The following BRCA2 variants were observed in gnomAD, a reference collection of about 807,000 sequenced individuals.
BRCA2 encodes breast cancer type 2 susceptibility protein.
In BRCA2, 203 loss-of-function variants were observed where a neutral mutation model predicts 276.7. That is an observed-to-expected ratio of 0.73 (90% CI 0.65 to 0.82). The LOEUF (loss-of-function observed/expected upper bound fraction) is 0.82, where lower values mean the gene tolerates loss of function less well. Among genes scored for constraint, BRCA2 ranks in the 40% least tolerant of loss-of-function variants. BRCA2 has a pLI of 0.00. For synonymous variants in BRCA2, 1,289 were observed against 1,338.4 expected (o/e 0.96, Z 0.81); for missense variants, 3,920 against 3,915.0 (o/e 1.00, Z -0.03).
intron 3 of BRCA2, among the ~76,000 whole-genome samples, chr13:32,324,082 A>T (rs1489675758): frequency 6.6e-6 from 1 of 152,200 alleles, no homozygotes; most frequent in Admixed American, 6.5e-5. Flanking sequence ...AATATACCAG[A>T]CATTTTTGTA....
In BRCA2 at chr13:32,396,854, TG is replaced by T. The variant is rs762221479; in HGVS notation, c.9502-41del. 6 of 1,609,968 alleles carry T rather than the reference TG, an allele frequency of 3.7e-6. No individual in the cohort carries two copies. In the Admixed American group the frequency reaches 1.0e-4, roughly 27 times the overall value. ...AAATACTTTTGGAAACATAAATATG[TG>T]GGTTTGCAATTTATAAAGCAGCTTT... On this transcript the variant is annotated intron_variant, in intron 25 of 26. Coordinates refer to ENST00000380152, the MANE Select transcript of BRCA2 (RefSeq NM_000059.4).
chr13:32,365,482 G>C (rs2072775234), intron 18 of BRCA2, among the ~76,000 whole-genome samples: 1 of 152,084 alleles, frequency 6.6e-6, no homozygotes, highest in Admixed American at 6.6e-5. Context: ...TCGGGTTCAA[G>C]TGATTCTCCT....
rs2072261809 is a variant in BRCA2 at position 32,316,504 on chromosome 13, T to G, written c.44T>G (p.Phe15Cys). Residue 15 changes from phenylalanine (F) to cysteine (C), a missense_variant, in exon 2 of 27, where the codon TTT becomes TGT. This residue lies in a region of BRCA2 where 3,263 missense variants were observed against 3,156.9 expected (regional missense o/e 1.03). Coordinates refer to ENST00000380152, the MANE Select transcript of BRCA2 (RefSeq NM_000059.4). Reference sequence around the variant, plus strand: ...GAGAGGCCAACATTTTTTGAAATTTTTAAGACACGCTGCAACAAAGCAGGT... The same window carrying G: ...GAGAGGCCAACATTTTTTGAAATTTGTAAGACACGCTGCAACAAAGCAGGT... ...SKERPTFFEI[F>C]KTRCNKADLG... 1 of 1,614,070 alleles carries G rather than the reference T, an allele frequency of 6.2e-7. No homozygotes were observed. The highest frequency in any genetic ancestry group is 8.5e-7 in the Non-Finnish European group (1 of 1,179,902).
rs398122591 is a variant in BRCA2, at chr13:32,357,910, G to A, written c.7786G>A (p.Gly2596Arg). ...WLIPSNDGKAGKEEFYRALCD... is the reference protein window; with the variant it reads ...WLIPSNDGKARKEEFYRALCD... ...CATACCCTCCAATGATGGAAAGGCT[G>A]GAAAAGAAGAATTTTATAGGTACTC... Residue 2596 changes from glycine (G) to arginine (R), a missense_variant, in exon 16 of 27, where the codon GGA becomes AGA. Physicochemically the swap from Gly to Arg is moderately radical, Grantham distance 125 (BLOSUM62 -2). Coordinates refer to ENST00000380152, the MANE Select transcript of BRCA2 (RefSeq NM_000059.4). The A allele has an allele frequency of 4.3e-6, 7 of 1,613,946 alleles. No homozygotes were observed. The highest frequency in any genetic ancestry group is 5.9e-6 in the Non-Finnish European group (7 of 1,179,912).
intron 4 of BRCA2, among the ~76,000 whole-genome samples, chr13:32,325,664 C>T (rs1212544894): frequency 6.6e-6 from 1 of 151,826 alleles, no homozygotes; most frequent in African/African-American, 2.4e-5. Context: ...CCTCAGCCTC[C>T]CAAGTAGCTG....
intron 14 of BRCA2, 175 bp downstream of exon 14, chr13:32,355,463 A>G: frequency 3.1e-6 from 1 of 320,796 alleles, no homozygotes; most frequent in Non-Finnish European, 4.5e-6. Flanking sequence ...GTTTCTTTCA[A>G]AGATAACTTC....
At chr13:32,383,036 C>A (rs974934714) in intron 24 of BRCA2, among the ~76,000 whole-genome samples, 1 of 151,364 alleles carries the variant, frequency 6.6e-6, no homozygotes, top group Admixed American at 6.6e-5. Flanking sequence ...CTCGCTGAAA[C>A]AGGGCACAAA....
intron 3 of BRCA2, among the ~76,000 whole-genome samples, chr13:32,319,735 C>T (rs1259150737): frequency 1.3e-5 from 2 of 152,094 alleles, no homozygotes; most frequent in Admixed American, 6.6e-5. Context: ...GCGTAGGTGC[C>T]GCATGTTTCT....
chr13:32,376,550 C>T, intron 20 of BRCA2, 120 bp from the exon 21 acceptor site: 2 of 1,090,098 alleles, frequency 1.8e-6, no homozygotes, highest in South Asian at 2.9e-5. Context: ...AAACTTTTAG[C>T]AGTTATATAG....
intron 24 of BRCA2, among the ~76,000 whole-genome samples, chr13:32,388,517 A>G (rs781275897): frequency 5.5e-4 from 83 of 152,142 alleles, no homozygotes; most frequent in Non-Finnish European, 7.8e-4. Flanking sequence ...AATAAATTAC[A>G]TGAGATATTC....
intron 11 of BRCA2, among the ~76,000 whole-genome samples, chr13:32,341,845 G>A (rs2072573432): frequency 6.6e-6 from 1 of 151,118 alleles, no homozygotes; most frequent in Non-Finnish European, 1.5e-5. Flanking sequence ...TCCAGCCTGG[G>A]CGACAGAGCG....
At chr13:32,322,165 C>T (rs2072310307) in intron 3 of BRCA2, among the ~76,000 whole-genome samples, 1 of 152,212 alleles carries the variant, frequency 6.6e-6, no homozygotes, top group Admixed American at 6.5e-5. Flanking sequence ...TCCTCCTGAG[C>T]CCCTGGCAGC....
chr13:32,328,702 C>T (rs529376556), intron 7 of BRCA2, among the ~76,000 whole-genome samples: 1 of 152,112 alleles, frequency 6.6e-6, no homozygotes, highest in African/African-American at 2.4e-5. Flanking sequence ...TTCAGGTAAA[C>T]AGCGAATAAT....
chr13:32,339,939 G>C lies in BRCA2; in HGVS notation c.5584G>C (p.Val1862Leu), dbSNP rs2137518841. ...VCVSHETIKK[V>L]KDIFTDSFSK... ...TGTTTCACATGAAACAATTAAAAAAGTGAAAGACATATTTACAGACAGTTT... is the reference window on the plus strand; with the variant it reads ...TGTTTCACATGAAACAATTAAAAAACTGAAAGACATATTTACAGACAGTTT... The change falls in exon 11 of 27, where the codon GTG (valine) becomes CTG (leucine). Residue 1862 changes from valine to leucine, a missense_variant. By Grantham distance (32) the Val-to-Leu change is conservative (BLOSUM62 1). Around this residue, in one of 2 missense-constraint regions of BRCA2, gnomAD observed 3,263 missense variants for 3,156.9 expected, o/e 1.03. Transcript: ENST00000380152. The C allele has an allele frequency of 6.2e-7, 1 of 1,606,846 alleles. No individual in the cohort carries two copies. Among genetic ancestry groups the C allele is most frequent in the Non-Finnish European group, 8.5e-7 (1 of 1,176,524 alleles).
rs587780655 is a variant in BRCA2 at position 32,339,624 on chromosome 13, TATA to T, written c.5272_5274del (p.Asn1758del). On this transcript the variant is annotated inframe_deletion, in exon 11 of 27. Coordinates refer to ENST00000380152, the MANE Select transcript of BRCA2 (RefSeq NM_000059.4). ...CTATTCCTACCATTCTGATGAGGTA[TATA>T]ATGATTCAGGATATCTCTCAAAAAA... 18 of 1,612,020 alleles carry T rather than the reference TATA, an allele frequency of 1.1e-5. No homozygotes were observed. Among genetic ancestry groups the T allele is most frequent in the Non-Finnish European group, 1.0e-5 (12 of 1,178,454 alleles).
chr13:32,354,054 T>C (rs1385832496), intron 13 of BRCA2, among the ~76,000 whole-genome samples: 1 of 152,224 alleles, frequency 6.6e-6, no homozygotes, highest in African/African-American at 2.4e-5. Context: ...GGAGACTTTT[T>C]TTGAGGAATC....
Position 32,379,743 on chromosome 13 carries a change from C to T in BRCA2, c.8954-7C>T. 2 of 1,608,630 alleles carry T rather than the reference C, an allele frequency of 1.2e-6. No homozygotes were observed. Among genetic ancestry groups the T allele is most frequent in the Non-Finnish European group, 1.7e-6 (2 of 1,175,398 alleles). On this transcript the variant is annotated splice_polypyrimidine_tract_variant and splice_region_variant and intron_variant, in intron 22 of 26. Transcript: ENST00000380152. Reference sequence around the variant, plus strand: ...CCATTGCATCTTTCTCATCTTTCTCCAAACAGTTATACTGAGTATTTGGCG... The same window carrying T: ...CCATTGCATCTTTCTCATCTTTCTCTAAACAGTTATACTGAGTATTTGGCG...
chr13:32,351,185 C>T (rs1162149077), intron 13 of BRCA2, among the ~76,000 whole-genome samples: 4 of 152,200 alleles, frequency 2.6e-5, no homozygotes, highest in African/African-American at 4.8e-5. Flanking sequence ...TGCTGCTGCT[C>T]ACTCTTTAGT....
intron 20 of BRCA2, 27 bp downstream of exon 20, chr13:32,371,127 G>T (rs766977431): frequency 6.2e-7 from 1 of 1,606,474 alleles, no homozygotes; most frequent in South Asian, 1.1e-5. Context: ...GGTACACATT[G>T]TTATTTCTAA....
Sources: allele counts gnomAD v4.1 joint callset (sites outside exome capture counted in the v4.1 genomes callset), GRCh38; gene constraint gnomAD v4.1.1; regional missense constraint gnomAD v4.1.1; transcripts MANE v1.5; gene names NCBI Gene and HGNC (gene_info 2026-07-23, HGNC 2026-07-21).